BBS12: variants seen among roughly 807,000 people sequenced by gnomAD.
BBS12 encodes Bardet-Biedl syndrome 12.
A neutral mutation model predicts 5.6 loss-of-function variants in BBS12; 5 were observed. The observed-to-expected ratio is 0.89, with a 90% CI of 0.46 to 1.86. The LOEUF is 1.86. Among genes scored for constraint, BBS12 ranks in the 40% most tolerant of loss-of-function variants. The pLI is 0.01. For synonymous variants in BBS12, 308 were observed against 306.8 expected, an observed-to-expected ratio of 1.00 and a Z score of -0.04; for missense variants, 748 against 830.4, an observed-to-expected ratio of 0.90 and a Z score of 1.22.
At chr4:122,707,054 C>CTCTTTTT in the BBS12 span, among the ~76,000 whole-genome samples, 22 of 72,250 alleles carry the variant, frequency 3.0e-4, no homozygotes, top group African/African-American at 7.0e-4. Flanking sequence ...CTCTCTCTCT[C>CTCTTTTT]TTTTTTTTTT....
At chr4:122,730,783 C>G (rs1800687367), upstream of BBS12, 1 of 151,982 alleles carries the variant, frequency 6.6e-6, no homozygotes, top group African/African-American at 2.4e-5. Flanking sequence ...GTTATAATTA[C>G]ATATAAATTA....
chr4:122,702,209 C>T, the BBS12 span, among the ~76,000 whole-genome samples: 1 of 152,198 alleles, frequency 6.6e-6, no homozygotes, highest in African/African-American at 2.4e-5. Flanking sequence ...CCCACAGTAG[C>T]TGGAACTACA....
chr4:122,744,130 A>G lies in BBS12; in HGVS notation c.*105A>G. ...GTGCCTAAAATGCCAGCTATTGCCA[A>G]GAAGAAAATAGTTGATGTCTGTCAA... On this transcript the variant is annotated 3_prime_UTR_variant, in exon 2 of 2. Coordinates refer to ENST00000314218, the MANE Select transcript of BBS12 (RefSeq NM_152618.3). 2 of 1,156,466 alleles carry G rather than the reference A, an allele frequency of 1.7e-6. No homozygotes were observed. Among genetic ancestry groups the G allele is most frequent in the Non-Finnish European group, 2.6e-6 (2 of 783,516 alleles). 71.6% of individuals were successfully genotyped at this position (1,156,466 alleles called of 1,614,324 possible). A position where few individuals can be genotyped will look rare whatever the true frequency, so the allele number is the denominator to read the frequency against.
chr4:122,742,637 C>T lies in BBS12; in HGVS notation c.745C>T (p.Pro249Ser), dbSNP rs758191621. The T allele has an allele frequency of 4.3e-6, 7 of 1,614,044 alleles. No homozygotes were observed. In the African/African-American group the frequency reaches 8.0e-5, roughly 18 times the overall value. Residue 249 changes from proline (P) to serine (S), a missense_variant, in exon 2 of 2, where the codon CCA becomes TCA. Coordinates refer to ENST00000314218, the MANE Select transcript of BBS12 (RefSeq NM_152618.3). ...AGATAATACTGAAGGGGTAAGCAAA[C>T]CAGATGGATTTCAAGAACATGTTAC... The part of the protein sequence containing the change: ...RTDNTEGVSK[P>S]DGFQEHVTAT...
the BBS12 span, among the ~76,000 whole-genome samples, chr4:122,702,063 GC>G: frequency 3.9e-5 from 6 of 152,174 alleles, no homozygotes; most frequent in Non-Finnish European, 7.3e-5. Flanking sequence ...AGATCCAGGT[GC>G]CTACAAGAAG....
Position 122,742,343 on chromosome 4 carries a change from G to A in BBS12, c.451G>A (p.Glu151Lys). Reference sequence around the variant, plus strand: ...CAGCACAAAAACATTTTCTCAACTTGAAACATTTAGTGTAAGTTTGTGTCC... The same window carrying A: ...CAGCACAAAAACATTTTCTCAACTTAAAACATTTAGTGTAAGTTTGTGTCC... ...MDSTKTFSQL[E>K]TFSVSLCPFL... The change falls in exon 2 of 2, where the codon GAA becomes AAA. Residue 151 changes from glutamate to lysine, a missense_variant. Transcript: ENST00000314218. The A allele has an allele frequency of 6.2e-7, 1 of 1,614,076 alleles. No homozygotes were observed. Among genetic ancestry groups the A allele is most frequent in the Non-Finnish European group, 8.5e-7 (1 of 1,179,996 alleles).
In BBS12 at chr4:122,744,159, CTG is replaced by C. The variant is rs1195022090; in HGVS notation, c.*137_*138del. 4.4e-6 allele frequency: 4 copies of C among 913,680 alleles called. No homozygotes were observed. Among genetic ancestry groups the C allele is most frequent in the East Asian group, 2.6e-5 (1 of 38,056 alleles). 56.6% of individuals were successfully genotyped at this position (913,680 alleles called of 1,614,324 possible). A position where few individuals can be genotyped will look rare whatever the true frequency, so the allele number is the denominator to read the frequency against. ...GAAAATAGTTGATGTCTGTCAATAA[CTG>C]TGCATGGTCTGAGATTTTACCCTAC... On this transcript the variant is annotated 3_prime_UTR_variant, in exon 2 of 2. Coordinates refer to ENST00000314218, the MANE Select transcript of BBS12 (RefSeq NM_152618.3).
chr4:122,715,097 G>A, the BBS12 span, among the ~76,000 whole-genome samples: 5 of 151,558 alleles, frequency 3.3e-5, no homozygotes, highest in Admixed American at 2.0e-4. Flanking sequence ...CACAACTTAT[G>A]TGTGCATAAT....
the BBS12 span, among the ~76,000 whole-genome samples, chr4:122,706,178 CTCTCTCTCTG>C: frequency 1.9e-4 from 29 of 152,158 alleles, no homozygotes; most frequent in Non-Finnish European, 3.4e-4. Context: ...TCTGCACTTT[CTCTCTCTCTG>C]TCTCTCTCTG....
chr4:122,700,522 C>T, the BBS12 span, among the ~76,000 whole-genome samples: 4 of 152,340 alleles, frequency 2.6e-5, no homozygotes, highest in African/African-American at 9.6e-5. Context: ...CTTGAGGGAA[C>T]AGCTCACAGT....
At chr4:122,724,164 T>C in the BBS12 span, among the ~76,000 whole-genome samples, 1 of 152,174 alleles carries the variant, frequency 6.6e-6, no homozygotes, top group African/African-American at 2.4e-5. Context: ...ACAGTTTCTA[T>C]AAATCAGAAA....
the BBS12 span, among the ~76,000 whole-genome samples, chr4:122,708,629 T>C: frequency 6.6e-6 from 1 of 152,148 alleles, no homozygotes; most frequent in Non-Finnish European, 1.5e-5. Context: ...TGGGATGTAG[T>C]ATTATAAATA....
chr4:122,738,224 T>C (rs1800814755), intron 1 of BBS12, among the ~76,000 whole-genome samples: 1 of 152,146 alleles, frequency 6.6e-6, no homozygotes, highest in Non-Finnish European at 1.5e-5. Flanking sequence ...AATTTCTTTT[T>C]CTTTTTTTTT....
chr4:122,743,399 G>C lies in BBS12; in HGVS notation c.1507G>C (p.Val503Leu). Reference sequence around the variant, plus strand: ...AGAAGGAATTAATTTGGTTACGGCCGTGCTCACTAACCCAGTTACTGCACA... The same window carrying C: ...AGAAGGAATTAATTTGGTTACGGCCCTGCTCACTAACCCAGTTACTGCACA... The part of the protein sequence containing the change: ...KTEGINLVTA[V>L]LTNPVTAQMQ... The change falls in exon 2 of 2, where the codon GTG becomes CTG. Residue 503 changes from valine to leucine, a missense_variant. Physicochemically the swap from Val to Leu is conservative, Grantham distance 32 (BLOSUM62 1). Coordinates refer to ENST00000314218, the MANE Select transcript of BBS12 (RefSeq NM_152618.3). 6.2e-7 allele frequency: 1 copy of C among 1,614,202 alleles called. No individual in the cohort carries two copies. Among genetic ancestry groups the C allele is most frequent in the Non-Finnish European group, 8.5e-7 (1 of 1,180,032 alleles).
upstream of BBS12, chr4:122,732,669 C>T (rs1393388937): frequency 1.3e-5 from 2 of 152,436 alleles, no homozygotes; most frequent in Non-Finnish European, 2.9e-5. Flanking sequence ...CTTTCGCAGC[C>T]CGGCGTTAAG....
upstream of BBS12, among the ~76,000 whole-genome samples, chr4:122,728,282 A>C (rs1004915055): frequency 6.6e-6 from 1 of 152,174 alleles, no homozygotes; most frequent in Admixed American, 6.5e-5. Context: ...ATAATAATTG[A>C]TATAATGAAT....
chr4:122,736,186 C>T (rs1460512677), intron 1 of BBS12, among the ~76,000 whole-genome samples: 3 of 152,118 alleles, frequency 2.0e-5, no homozygotes, highest in East Asian at 1.9e-4. Context: ...ACTTTGACTT[C>T]GACTCCAAGT....
chr4:122,708,948 G>A, the BBS12 span, among the ~76,000 whole-genome samples: 378 of 152,176 alleles, frequency 2.5e-3, 3 homozygotes, highest in African/African-American at 8.7e-3. Flanking sequence ...GATAAAGCAT[G>A]TAAAATACTT....
the BBS12 span, among the ~76,000 whole-genome samples, chr4:122,708,016 CTT>C: frequency 0.025 from 3,227 of 131,676 alleles, 58 homozygotes; most frequent in African/African-American, 0.045. Flanking sequence ...TTTTTCTTTC[CTT>C]TTTTTTTTTT....
Sources: gnomAD v4.1 joint callset for allele counts (sites outside exome capture counted in the v4.1 genomes callset) on GRCh38, gnomAD v4.1.1 for gene constraint, MANE v1.5 for transcripts, NCBI Gene and HGNC (gene_info 2026-07-23, HGNC 2026-07-21) for gene names.